The following DNTTIP2 variants were observed in gnomAD, a reference collection of about 807,000 sequenced individuals.
DNTTIP2 encodes deoxynucleotidyltransferase terminal interacting protein 2, also known as deoxynucleotidyltransferase terminal-interacting protein 2.
A neutral mutation model predicts 62.4 loss-of-function variants in DNTTIP2; 47 were observed. The observed-to-expected ratio is 0.75, with a 90% CI of 0.60 to 0.96. DNTTIP2 has a LOEUF of 0.96. Among genes scored for constraint, DNTTIP2 ranks in the 40% least tolerant of loss-of-function variants. The pLI is 0.00. For synonymous variants in DNTTIP2, 322 were observed against 300.9 expected, an observed-to-expected ratio of 1.07 and a Z score of -0.73; for missense variants, 870 against 849.1, an observed-to-expected ratio of 1.02 and a Z score of -0.31.
Position 93,878,970 on chromosome 1 carries a change from CCT to C in DNTTIP2, c.72+105_72+106del, listed in dbSNP as rs549095032. ...ACCCAAGCGCGCGGCAAGCTCGGGT[CCT>C]CTCTGTCGGCAGGTCCTCACCCTTA... On this transcript the variant is annotated intron_variant, in intron 1 of 6. Transcript: ENST00000436063. 299 of 1,421,676 alleles carry C rather than the reference CCT, an allele frequency of 2.1e-4. 1 individual carries two copies. The African/African-American group carries it at 4.0e-3, about 19-fold the overall frequency. The allele number at this position is 1,421,676 out of a possible 1,614,324, so 88.1% of individuals were successfully genotyped here.
intron 2 of DNTTIP2, 141 bp from the exon 3 acceptor site, chr1:93,875,924 G>T: frequency 1.2e-6 from 1 of 841,002 alleles, no homozygotes; most frequent in Non-Finnish European, 1.8e-6. Context: ...ATTTTTATGA[G>T]GAATTCCTGA....
intron 1 of DNTTIP2, 61 bp downstream of exon 1, chr1:93,879,016 C>A: frequency 6.3e-7 from 1 of 1,597,150 alleles, no homozygotes; most frequent in Non-Finnish European, 8.5e-7. Flanking sequence ...CTTGCGCCGC[C>A]CCGCCTGCCT....
At chr1:93,872,861 A>G (rs1258509887) in intron 4 of DNTTIP2, among the ~76,000 whole-genome samples, 1 of 150,936 alleles carries the variant, frequency 6.6e-6, no homozygotes, top group Non-Finnish European at 1.5e-5. Context: ...GAAATGGCAG[A>G]TAGAAGTAAT....
At position 93,875,749 on chromosome 1, in the gene DNTTIP2, G is replaced by A; in HGVS notation, c.1702C>T (p.Leu568=). ...AAACCACCCAACTGCTTGATACTCA[G>A]ACCAGGGTCTATGCTGCTGCTTGTC... The part of the protein sequence containing the change: ...KLTSSSIDPG[L]SIKQLGGLYI... The change falls in exon 3 of 7, where the codon CTG becomes TTG. Residue 568 remains leucine (L), a synonymous_variant. Coordinates refer to ENST00000436063, the MANE Select transcript of DNTTIP2 (RefSeq NM_014597.5). The A allele has an allele frequency of 6.2e-7, 1 of 1,612,998 alleles. No individual in the cohort carries two copies.
rs376677281 is a variant in DNTTIP2 at position 93,876,751 on chromosome 1, C to T, written c.1184G>A (p.Gly395Asp). ...GGACTCTTCTTCATCATCACTACCA[C>T]CACAATCACCAAACTTTGTCAAGTC... Reference protein sequence around the residue: ...ASDLTKFGDCGGSDDEEESTV... With the variant: ...ASDLTKFGDCDGSDDEEESTV... Residue 395 changes from glycine to aspartate, a missense_variant, in exon 2 of 7, where the codon GGT becomes GAT. Coordinates refer to ENST00000436063, the MANE Select transcript of DNTTIP2 (RefSeq NM_014597.5). The T allele has an allele frequency of 3.1e-6, 5 of 1,613,990 alleles. No individual in the cohort carries two copies. Among genetic ancestry groups the T allele is most frequent in the Middle Eastern group, 3.3e-4 (2 of 6,062 alleles).
intron 4 of DNTTIP2, 141 bp from the exon 5 acceptor site, chr1:93,872,377 T>C: frequency 2.5e-6 from 2 of 786,530 alleles, no homozygotes; most frequent in South Asian, 2.0e-5. Context: ...AAATCCAGAA[T>C]CATAGAGATA....
chr1:93,870,827 A>T, intron 5 of DNTTIP2, 35 bp from the exon 6 acceptor site: 1 of 1,193,906 alleles, frequency 8.4e-7, no homozygotes, highest in Non-Finnish European at 1.2e-6. Context: ...TCATGCATTG[A>T]GTGCCAAGAT....
rs745617817 is a variant in DNTTIP2 at position 93,876,294 on chromosome 1, GTCT to G, written c.1638_1640del (p.Glu546del). ...GTTTAGCCTTTGTGCTATTTAGGAA[GTCT>G]TCTTCATCACTAAACTCATCTTCAT... On this transcript the variant is annotated inframe_deletion, in exon 2 of 7. Coordinates refer to ENST00000436063, the MANE Select transcript of DNTTIP2 (RefSeq NM_014597.5). 8.4e-6 allele frequency: 13 copies of G among 1,545,052 alleles called. No homozygotes were observed. Among genetic ancestry groups the G allele is most frequent in the Non-Finnish European group, 1.1e-5 (13 of 1,144,544 alleles).
At position 93,876,432 on chromosome 1, in the gene DNTTIP2, T is replaced by A. The variant is rs780252234; in HGVS notation, c.1503A>T (p.Lys501Asn). Reference sequence around the variant, plus strand: ...TGTCTTCCTCTTCCAAGTAAAAATTTTTATCAGCACTCATTCCAGGAGTTG... The same window carrying A: ...TGTCTTCCTCTTCCAAGTAAAAATTATTATCAGCACTCATTCCAGGAGTTG... Reference protein sequence around the residue: ...IDTTPGMSADKNFYLEEEDKA... With the variant: ...IDTTPGMSADNNFYLEEEDKA... Residue 501 changes from lysine to asparagine, a missense_variant, in exon 2 of 7, where the codon AAA (lysine) becomes AAT (asparagine). Coordinates refer to ENST00000436063, the MANE Select transcript of DNTTIP2 (RefSeq NM_014597.5). 6.2e-7 allele frequency: 1 copy of A among 1,613,492 alleles called. No homozygotes were observed. The highest frequency in any genetic ancestry group is 8.5e-7 in the Non-Finnish European group (1 of 1,179,614).
At chr1:93,873,320 G>T in intron 3 of DNTTIP2, 106 bp from the exon 4 acceptor site, 1 of 784,066 alleles carries the variant, frequency 1.3e-6, no homozygotes, top group Non-Finnish European at 2.0e-6. Context: ...GCCTGGCAAA[G>T]TGGCTCACAC....
At chr1:93,873,529 G>A (rs1571183619) in intron 3 of DNTTIP2, among the ~76,000 whole-genome samples, 2 of 151,834 alleles carry the variant, frequency 1.3e-5, no homozygotes, top group Admixed American at 1.3e-4. Context: ...TTGAGGCCAG[G>A]AGCTTGAGGC....
intron 1 of DNTTIP2, among the ~76,000 whole-genome samples, chr1:93,878,320 A>G (rs72723178): frequency 0.076 from 11,539 of 152,144 alleles, 487 homozygotes; most frequent in South Asian, 0.092. Context: ...AAACAAACAA[A>G]AAAATCAAAA....
chr1:93,874,453 C>CTCTTT (rs1164024576), intron 3 of DNTTIP2, among the ~76,000 whole-genome samples: 1 of 152,046 alleles, frequency 6.6e-6, no homozygotes, highest in African/African-American at 2.4e-5. Flanking sequence ...GTTATGGAAA[C>CTCTTT]AGAGGGGTTG....
intron 4 of DNTTIP2, 31 bp downstream of exon 4, chr1:93,873,088 C>A: frequency 6.8e-7 from 1 of 1,465,396 alleles, no homozygotes; most frequent in South Asian, 1.2e-5. Flanking sequence ...CCAAACATAT[C>A]TAAGCATTTT....
Position 93,879,107 on chromosome 1 carries a change from T to G in DNTTIP2, c.42A>C (p.Gln14His), listed in dbSNP as rs377608013. The G allele has an allele frequency of 6.2e-7, 1 of 1,613,648 alleles. No homozygotes were observed. The highest frequency in any genetic ancestry group is 2.2e-5 in the East Asian group (1 of 44,890). ...GCCCGGAACTTTCAGCCGACGCGGC[T>G]TGGATGCTGGCCTTAGCCCGTGCAG... is the stretch of plus-strand genomic sequence containing the variant. ...TRSARAKASIQAASAESSGQK... is the reference protein window; with the variant it reads ...TRSARAKASIHAASAESSGQK... The change falls in exon 1 of 7, where the codon CAA (glutamine) becomes CAC (histidine). Residue 14 changes from glutamine to histidine, a missense_variant. Coordinates refer to ENST00000436063, the MANE Select transcript of DNTTIP2 (RefSeq NM_014597.5).
chr1:93,871,887 C>T (rs572886240), intron 5 of DNTTIP2, among the ~76,000 whole-genome samples, 185 bp downstream of exon 5: 9 of 152,260 alleles, frequency 5.9e-5, no homozygotes, highest in African/African-American at 2.2e-4. Flanking sequence ...TAAATGTGAT[C>T]AAATTAAAAG....
In DNTTIP2 at chr1:93,876,440, C is replaced by T; in HGVS notation, c.1495G>A (p.Ala499Thr). ...TCTTCCAAGTAAAAATTTTTATCAG[C>T]ACTCATTCCAGGAGTTGTGTCAATT... ...FVIDTTPGMS[A>T]DKNFYLEEED... The change falls in exon 2 of 7, where the codon GCT becomes ACT. Residue 499 changes from alanine (A) to threonine (T), a missense_variant. Ala to Thr is a moderately conservative substitution (Grantham distance 58, BLOSUM62 0). Transcript: ENST00000436063. 1.2e-6 allele frequency: 2 copies of T among 1,613,726 alleles called. No individual in the cohort carries two copies. Among genetic ancestry groups the T allele is most frequent in the Non-Finnish European group, 1.7e-6 (2 of 1,179,782 alleles).
In DNTTIP2 at chr1:93,878,873, TA is replaced by T. The variant is rs1298526752; in HGVS notation, c.72+203del. 1.3e-5 allele frequency: 8 copies of T among 610,386 alleles called. No homozygotes were observed. The South Asian group carries it at 1.5e-4, about 12-fold the overall frequency. The allele number at this position is 610,386 out of a possible 1,614,324, so 37.8% of individuals were successfully genotyped here. A position where few individuals can be genotyped will look rare whatever the true frequency, so the allele number is the denominator to read the frequency against. On this transcript the variant is annotated intron_variant, in intron 1 of 6. Transcript: ENST00000436063. ...AAGTTATCTAACCTCTCTTCCATAC[TA>T]AAAATTGCCTTAAGAGACAGTGGTG...
chr1:93,878,973 C>G, intron 1 of DNTTIP2, 104 bp downstream of exon 1: 1 of 1,445,050 alleles, frequency 6.9e-7, no homozygotes, highest in Non-Finnish European at 9.2e-7. Context: ...CTCGGGTCCT[C>G]TCTGTCGGCA....
Sources: gnomAD v4.1 joint callset for allele counts (sites outside exome capture counted in the v4.1 genomes callset) on GRCh38, gnomAD v4.1.1 for gene constraint, MANE v1.5 for transcripts, NCBI Gene and HGNC (gene_info 2026-07-23, HGNC 2026-07-21) for gene names.